The following HIVEP3 variants were observed in gnomAD, a reference collection of about 807,000 sequenced individuals.
The protein encoded by HIVEP3 is transcription factor HIVEP3.
HIVEP3 carries 49 observed loss-of-function variants against 152.8 expected under a neutral mutation model. The observed-to-expected ratio is 0.32, with a 90% CI of 0.26 to 0.41. The LOEUF (loss-of-function observed/expected upper bound fraction) is 0.41, where lower values mean the gene tolerates loss of function less well. HIVEP3 is among the 10% of genes least tolerant of loss of function. HIVEP3 has a pLI of 1.00. For missense variants in HIVEP3, 2,790 were observed against 3,103.3 expected (o/e 0.90, Z 2.40); for synonymous variants, 1,269 against 1,289.0 (o/e 0.98, Z 0.33).
chr1:41,968,267 T>G lies in HIVEP3; in HGVS notation n.120-49743A>C, dbSNP rs190689483. ...CAAAAAAAAAAAGAAAAAGAAAACT[T>G]TGGGCCAATATCCCTGATGAACATC... On this transcript the variant is annotated intron_variant and non_coding_transcript_variant, in intron 1 of 3. Transcript: ENST00000489103. Among the ~76,000 whole-genome samples, 411 of 151,842 alleles carry G rather than the reference T, an allele frequency of 2.7e-3. 1 individual carries two copies. Among genetic ancestry groups the G allele is most frequent in the African/African-American group, 9.5e-3 (393 of 41,418 alleles).
chr1:41,612,601 T>C (rs987630698), intron 3 of HIVEP3, among the ~76,000 whole-genome samples: 3 of 152,176 alleles, frequency 2.0e-5, no homozygotes, highest in Non-Finnish European at 4.4e-5. Flanking sequence ...AGGACTCTGA[T>C]TCTCCGTCCC....
chr1:41,713,009 T>C (rs1646538075), intron 1 of HIVEP3, among the ~76,000 whole-genome samples: 1 of 151,972 alleles, frequency 6.6e-6, no homozygotes, highest in African/African-American at 2.4e-5. Context: ...ACGTGGTCCT[T>C]CCACTTCTGA....
intron 1 of HIVEP3, among the ~76,000 whole-genome samples, chr1:41,792,160 A>G (rs1309518148): frequency 2.0e-5 from 3 of 152,118 alleles, no homozygotes; most frequent in African/African-American, 4.8e-5. Context: ...AGCTATTTCA[A>G]TCATCTTTGT....
intron 1 of HIVEP3, among the ~76,000 whole-genome samples, chr1:41,764,330 T>A (rs1310767536): frequency 6.6e-6 from 1 of 151,734 alleles, no homozygotes; most frequent in Non-Finnish European, 1.5e-5. Context: ...CTGAAATCAA[T>A]CAGAAAAGAA....
chr1:41,737,317 G>A lies in HIVEP3; in HGVS notation c.-800-36322C>T, dbSNP rs545801379. Among the ~76,000 whole-genome samples the A allele has an allele frequency of 4.6e-5, 7 of 152,296 alleles. No individual in the cohort carries two copies. In the East Asian group the frequency reaches 1.2e-3, roughly 25 times the overall value. ...TGTGTGTGTAAGCAGGCACTTGACCGATACTCTTGCCGTTCCCACTGCCCA... is the reference window on the plus strand; with the variant it reads ...TGTGTGTGTAAGCAGGCACTTGACCAATACTCTTGCCGTTCCCACTGCCCA... On this transcript the variant is annotated intron_variant, in intron 1 of 8. Coordinates refer to ENST00000372583, the MANE Select transcript of HIVEP3 (RefSeq NM_024503.5).
intron 3 of HIVEP3, among the ~76,000 whole-genome samples, chr1:41,592,114 G>T (rs1644596831): frequency 1.3e-5 from 2 of 152,156 alleles, no homozygotes; most frequent in South Asian, 4.1e-4. Context: ...CTCACCACAG[G>T]CAGCCGGCTG....
chr1:41,583,864 A>G lies in HIVEP3; in HGVS notation c.934T>C (p.Tyr312His), dbSNP rs1289352594. 1 of 1,613,232 alleles carries G rather than the reference A, an allele frequency of 6.2e-7. No individual in the cohort carries two copies. The highest frequency in any genetic ancestry group is 1.1e-5 in the South Asian group (1 of 90,938). ...CTGGAACTGTGGCTCCCAGAGCTGT[A>G]TAGCCCGCTGGAGAGAAGGGGCTGC... ...PKQPLLSSGLYSSGSHSSSHE... is the reference protein window; with the variant it reads ...PKQPLLSSGLHSSGSHSSSHE... Residue 312 changes from tyrosine to histidine, a missense_variant, in exon 4 of 9, where the codon TAC (tyrosine) becomes CAC (histidine). Around this residue, in one of 9 missense-constraint regions of HIVEP3, gnomAD observed 125 missense variants for 130.1 expected, o/e 0.96. Transcript: ENST00000372583. This position sits in a 1 kb window ranked among gnomAD's most constrained non-coding sequence, Gnocchi z 6.9.
intron 3 of HIVEP3, among the ~76,000 whole-genome samples, chr1:41,596,611 A>C (rs577933037): frequency 9.9e-5 from 15 of 152,220 alleles, no homozygotes; most frequent in Non-Finnish European, 2.1e-4. Flanking sequence ...TAAAATATTA[A>C]AAATATTTAA....
intron 5 of HIVEP3, among the ~76,000 whole-genome samples, chr1:41,540,205 T>A (rs965694257): frequency 6.6e-6 from 1 of 152,248 alleles, no homozygotes; most frequent in Non-Finnish European, 1.5e-5. Flanking sequence ...ACCAGGTGCC[T>A]GGCCAACGCT....
intron 1 of HIVEP3, among the ~76,000 whole-genome samples, chr1:42,031,294 G>A (rs1645611199): frequency 6.6e-6 from 1 of 152,198 alleles, no homozygotes; most frequent in Non-Finnish European, 1.5e-5. Context: ...CTCCTGGGTG[G>A]CAGGCAAACA....
At chr1:41,588,930 A>T (rs1346179181) in intron 3 of HIVEP3, among the ~76,000 whole-genome samples, 1 of 152,204 alleles carries the variant, frequency 6.6e-6, no homozygotes, top group Non-Finnish European at 1.5e-5. Flanking sequence ...AGCCAGGACC[A>T]CAGGTGCAGA....
intron 1 of HIVEP3, among the ~76,000 whole-genome samples, chr1:41,716,332 C>T (rs1646593066): frequency 1.3e-5 from 2 of 152,176 alleles, no homozygotes; most frequent in Admixed American, 6.5e-5. Flanking sequence ...TTACAGTTTA[C>T]AAGGCGTGGC....
chr1:41,618,271 C>G (rs1644997942), intron 3 of HIVEP3, among the ~76,000 whole-genome samples: 1 of 152,248 alleles, frequency 6.6e-6, no homozygotes, highest in Admixed American at 6.5e-5. Context: ...GCTCAGCAGA[C>G]TCTGCGGTTA....
At chr1:41,907,671 A>G (rs1314571492) in intron 1 of HIVEP3, among the ~76,000 whole-genome samples, 2 of 152,216 alleles carry the variant, frequency 1.3e-5, no homozygotes, top group Non-Finnish European at 2.9e-5. Flanking sequence ...GAGAACAATG[A>G]CAACCCAACT....
chr1:41,746,823 T>C (rs1220790344), intron 1 of HIVEP3, among the ~76,000 whole-genome samples: 1 of 152,218 alleles, frequency 6.6e-6, no homozygotes, highest in African/African-American at 2.4e-5. Context: ...AATTAATGGC[T>C]GCCACTATCA....
At chr1:41,819,594 A>T (rs1249244582) in intron 1 of HIVEP3, among the ~76,000 whole-genome samples, 3 of 152,128 alleles carry the variant, frequency 2.0e-5, no homozygotes, top group African/African-American at 2.4e-5. Flanking sequence ...ATTTCCGCTA[A>T]GATTTCTTCT....
chr1:41,978,974 T>G (rs927774336), intron 1 of HIVEP3, among the ~76,000 whole-genome samples: 1 of 152,174 alleles, frequency 6.6e-6, no homozygotes, highest in Non-Finnish European at 1.5e-5. Context: ...GAGTCTGGGA[T>G]GCAGGCAATG....
chr1:41,816,679 C>CAAACA (rs561438485), intron 1 of HIVEP3, among the ~76,000 whole-genome samples: 32 of 152,250 alleles, frequency 2.1e-4, no homozygotes, highest in South Asian at 4.1e-4. Context: ...ACTTCAGCCT[C>CAAACA]AAACAAAACA....
intron 5 of HIVEP3, among the ~76,000 whole-genome samples, chr1:41,561,566 G>A (rs1644063021): frequency 1.3e-5 from 2 of 151,748 alleles, no homozygotes; most frequent in African/African-American, 4.8e-5. Context: ...AGGCTGGAGT[G>A]CAGTGATGTG....
Sources: allele counts gnomAD v4.1 joint callset (sites outside exome capture counted in the v4.1 genomes callset), GRCh38; gene constraint gnomAD v4.1.1; regional missense constraint gnomAD v4.1.1; non-coding constraint Gnocchi (gnomAD v3.1); transcripts MANE v1.5; gene names NCBI Gene and HGNC (gene_info 2026-07-23, HGNC 2026-07-21).